The following TTI1 variants were observed in gnomAD, a reference collection of about 807,000 sequenced individuals.
The protein encoded by TTI1 is TELO2 interacting protein 1.
In TTI1, 52 loss-of-function variants were observed where a neutral mutation model predicts 85.4. That is an observed-to-expected ratio of 0.61 (90% CI 0.49 to 0.77). TTI1 has a LOEUF of 0.77. Ranked by LOEUF, TTI1 falls within the 30% of genes least tolerant of loss-of-function variation. TTI1 has a pLI of 0.00. For synonymous variants in TTI1, 512 were observed against 503.9 expected (o/e 1.02, Z -0.22); for missense variants, 1,173 against 1,296.0 (o/e 0.91, Z 1.46).
chr20:38,023,022 C>T (rs1157727622), intron 1 of TTI1, among the ~76,000 whole-genome samples: 1 of 152,114 alleles, frequency 6.6e-6, no homozygotes, highest in East Asian at 1.9e-4. Context: ...GGGTTTAGAG[C>T]CCAGAGATAG....
At chr20:38,025,881 G>A (rs6013677) in intron 1 of TTI1, among the ~76,000 whole-genome samples, 87,283 of 152,034 alleles carry the variant, frequency 0.57, 27,314 homozygotes, top group African/African-American at 0.84. Context: ...GGAACAATAG[G>A]AATTACCCAA....
chr20:38,033,232 G>C (rs1206460613), intron 1 of TTI1, among the ~76,000 whole-genome samples, 172 bp downstream of exon 1: 8 of 152,168 alleles, frequency 5.3e-5, no homozygotes, highest in African/African-American at 1.7e-4. Context: ...GGGACAGCCA[G>C]AGAGCCGAAC....
chr20:38,013,203 A>C lies in TTI1; in HGVS notation c.614T>G (p.Leu205Trp), dbSNP rs1185978307. The change falls in exon 2 of 8, where the codon TTG becomes TGG. Residue 205 changes from leucine to tryptophan, a missense_variant. Transcript: ENST00000373447. ...GATTCCAGGTAAAAAAGAGGCAAACAAATCCCCCAGCTGCTTTTGTTCAAG... is the reference window on the plus strand; with the variant it reads ...GATTCCAGGTAAAAAAGAGGCAAACCAATCCCCCAGCTGCTTTTGTTCAAG... ...DELEQKQLGD[L>W]FASFLPGIST... 1.4e-5 allele frequency: 23 copies of C among 1,614,034 alleles called. No homozygotes were observed. The highest frequency in any genetic ancestry group is 1.9e-5 in the Non-Finnish European group (23 of 1,180,046).
intron 1 of TTI1, among the ~76,000 whole-genome samples, chr20:38,020,960 A>G (rs1444067264): frequency 6.6e-6 from 1 of 152,202 alleles, no homozygotes; most frequent in East Asian, 1.9e-4. Context: ...TTCAAAGGTG[A>G]ATATATATAT....
Position 37,983,581 on chromosome 20 carries a change from G to A in TTI1, c.3145C>T (p.Leu1049Phe), listed in dbSNP as rs746815989. The A allele has an allele frequency of 3.2e-6, 5 of 1,582,474 alleles. No individual in the cohort carries two copies. In the Admixed American group the frequency reaches 9.1e-5, roughly 29 times the overall value. ...PDSTWFLLNE[L>F]YCPVQFTPPH... ...GGTGTGAACTGCACGGGGCAGTAAA[G>A]CTCGTTCAGGAGGAACCAGGTGGAG... Residue 1049 changes from leucine (L) to phenylalanine (F), a missense_variant, in exon 8 of 8, where the codon CTT becomes TTT. Coordinates refer to ENST00000373447, the MANE Select transcript of TTI1 (RefSeq NM_001303457.2).
chr20:38,023,816 T>C (rs1313627943), intron 1 of TTI1, among the ~76,000 whole-genome samples: 3 of 152,256 alleles, frequency 2.0e-5, no homozygotes, highest in East Asian at 3.8e-4. Flanking sequence ...TAGCATATAC[T>C]ATTTGCCCAT....
chr20:37,990,869 G>C (rs530988018), intron 7 of TTI1, among the ~76,000 whole-genome samples: 5 of 152,320 alleles, frequency 3.3e-5, no homozygotes, highest in Non-Finnish European at 1.5e-5. Context: ...GTGGTAAGAT[G>C]GTTGACCCTG....
At chr20:37,998,850 C>T (rs759572413) in intron 5 of TTI1, among the ~76,000 whole-genome samples, 23 of 152,132 alleles carry the variant, frequency 1.5e-4, no homozygotes, top group African/African-American at 2.7e-4. Context: ...ACTAGCTGTT[C>T]GATTGTGAGA....
chr20:38,012,771 G>A lies in TTI1; in HGVS notation c.1046C>T (p.Ala349Val), dbSNP rs1229165036. 6.2e-7 allele frequency: 1 copy of A among 1,614,158 alleles called. No individual in the cohort carries two copies. Among genetic ancestry groups the A allele is most frequent in the East Asian group, 2.2e-5 (1 of 44,884 alleles). Residue 349 changes from alanine (A) to valine (V), a missense_variant, in exon 2 of 8, where the codon GCC becomes GTC. By Grantham distance (64) the Ala-to-Val change is moderately conservative (BLOSUM62 0). Transcript: ENST00000373447. ...LVNDESPEIQ[A>V]QCNKVLRHFA... ...ATGTCTCAGAACTTTATTGCACTGG[G>A]CTTGGATTTCAGGACTCTCATCATT...
intron 7 of TTI1, among the ~76,000 whole-genome samples, chr20:37,984,671 C>T (rs2073167329): frequency 6.6e-6 from 1 of 152,190 alleles, no homozygotes; most frequent in Non-Finnish European, 1.5e-5. Flanking sequence ...CCATTTTGCC[C>T]ACACCACTGT....
chr20:38,026,805 A>C (rs2073842107), intron 1 of TTI1, among the ~76,000 whole-genome samples: 1 of 152,254 alleles, frequency 6.6e-6, no homozygotes, highest in Non-Finnish European at 1.5e-5. Context: ...TTTCAAAACT[A>C]TGTTTGACAG....
At chr20:37,990,717 C>T (rs981850777) in intron 7 of TTI1, among the ~76,000 whole-genome samples, 1 of 152,150 alleles carries the variant, frequency 6.6e-6, no homozygotes, top group East Asian at 1.9e-4. Flanking sequence ...ACCCTGTGGT[C>T]GACCACAGCC....
chr20:38,012,621 G>C lies in TTI1; in HGVS notation c.1196C>G (p.Ser399Cys), dbSNP rs955302417. 40 of 1,614,088 alleles carry C rather than the reference G, an allele frequency of 2.5e-5. No homozygotes were observed. The highest frequency in any genetic ancestry group is 3.3e-5 in the Non-Finnish European group (39 of 1,180,058). The change falls in exon 2 of 8, where the codon TCT becomes TGT. Residue 399 changes from serine to cysteine, a missense_variant. Ser to Cys is a moderately radical substitution (Grantham distance 112, BLOSUM62 -1). Transcript: ENST00000373447. The stretch of plus-strand genomic sequence containing the variant: ...ATAACCAAGTAACAAGGAAAGAGTA[G>C]AGAATTTGCCCTGGTCATCTTGGGA... ...MNSQDDQGKF[S>C]TLSLLLGYLK...
intron 2 of TTI1, among the ~76,000 whole-genome samples, chr20:38,009,020 T>C (rs1362873264): frequency 6.6e-6 from 1 of 152,126 alleles, no homozygotes; most frequent in Admixed American, 6.5e-5. Context: ...CACAGGAGTC[T>C]TGACACTCCT....
intron 7 of TTI1, among the ~76,000 whole-genome samples, chr20:37,993,914 T>C (rs1600608475): frequency 6.6e-6 from 1 of 152,098 alleles, no homozygotes; most frequent in East Asian, 1.9e-4. Flanking sequence ...GTGGGACCAG[T>C]GGTGAGGTCT....
At chr20:38,002,518 G>C (rs931879534) in intron 4 of TTI1, 110 bp downstream of exon 4, 10 of 1,418,870 alleles carry the variant, frequency 7.0e-6, no homozygotes, top group African/African-American at 7.0e-5. Flanking sequence ...GCCACCACAC[G>C]TGGACCAGGA....
chr20:37,996,693 C>A, intron 6 of TTI1, 56 bp downstream of exon 6: 1 of 1,553,654 alleles, frequency 6.4e-7, no homozygotes, highest in South Asian at 1.2e-5. Context: ...GGCATGATGG[C>A]AGGGGTGAGA....
Position 38,011,862 on chromosome 20 carries a change from G to A in TTI1, c.1955C>T (p.Ala652Val). The A allele has an allele frequency of 6.2e-7, 1 of 1,614,226 alleles. No individual in the cohort carries two copies. Residue 652 changes from alanine to valine, a missense_variant, in exon 2 of 8, where the codon GCC becomes GTC. Ala to Val is a moderately conservative substitution (Grantham distance 64). Coordinates refer to ENST00000373447, the MANE Select transcript of TTI1 (RefSeq NM_001303457.2). ...AGCCTTCTCCAGTACTGGATAAAGG[G>A]CTGACATCAAGAGCAAACAGAAGTC... ...GKDFCLLLMS[A>V]LYPVLEKAGD... is the part of the protein sequence containing the mutation.
At chr20:37,983,781 AC>A in intron 7 of TTI1, 142 bp from the exon 8 acceptor site, 1 of 845,280 alleles carries the variant, frequency 1.2e-6, no homozygotes, top group Non-Finnish European at 1.6e-6. Context: ...AGTAGAAAAA[AC>A]CCACTTGAGT....
Sources: allele counts gnomAD v4.1 joint callset (sites outside exome capture counted in the v4.1 genomes callset), GRCh38; gene constraint gnomAD v4.1.1; transcripts MANE v1.5; gene names NCBI Gene and HGNC (gene_info 2026-07-23, HGNC 2026-07-21).